The following PRKAR1A variants were observed in gnomAD, a reference collection of about 807,000 sequenced individuals.
PRKAR1A encodes the protein cAMP-dependent protein kinase type I-alpha regulatory subunit.
PRKAR1A carries 3 observed loss-of-function variants against 52.0 expected under a neutral mutation model. The observed-to-expected ratio is 0.06, with a 90% CI of 0.03 to 0.15. The LOEUF (loss-of-function observed/expected upper bound fraction) is 0.15, where lower values mean the gene tolerates loss of function less well. Among genes scored for constraint, PRKAR1A ranks in the 10% least tolerant of loss-of-function variants. The pLI, the probability that PRKAR1A is intolerant of heterozygous loss-of-function variation, is 1.00. For synonymous variants in PRKAR1A, 188 were observed against 168.4 expected, an observed-to-expected ratio of 1.12 and a Z score of -0.90; for missense variants, 240 against 477.4, an observed-to-expected ratio of 0.50 and a Z score of 4.63.
intron 11 of PRKAR1A, among the ~76,000 whole-genome samples, chr17:68,538,635 A>G (rs2086165448): frequency 6.6e-6 from 1 of 152,234 alleles, no homozygotes; most frequent in African/African-American, 2.4e-5. Flanking sequence ...CAGGACTTTA[A>G]TCAGGGTTTT....
chr17:68,419,289 G>T, the PRKAR1A span, among the ~76,000 whole-genome samples: 1 of 152,180 alleles, frequency 6.6e-6, no homozygotes, highest in Non-Finnish European at 1.5e-5. Context: ...TGGCTGGTGT[G>T]GTGGCTCACG....
At chr17:68,523,467 T>C (rs994058927) in intron 3 of PRKAR1A, among the ~76,000 whole-genome samples, 3 of 152,240 alleles carry the variant, frequency 2.0e-5, no homozygotes, top group Admixed American at 2.0e-4. Flanking sequence ...GTGTTTTGAT[T>C]TGTTTCTTTA....
At chr17:68,540,954 C>T (rs1360981530) in intron 11 of PRKAR1A, 2 of 1,586,012 alleles carry the variant, frequency 1.3e-6, no homozygotes, top group South Asian at 2.3e-5. Flanking sequence ...GGATTGACCT[C>T]CCACCTGAGG....
upstream of PRKAR1A, among the ~76,000 whole-genome samples, chr17:68,510,195 G>T (rs1043660161): frequency 1.3e-5 from 2 of 148,652 alleles, no homozygotes; most frequent in South Asian, 2.1e-4. Flanking sequence ...GAGAGAGAGA[G>T]ATCTATCTAT....
chr17:68,466,136 C>T, the PRKAR1A span, among the ~76,000 whole-genome samples: 6 of 152,256 alleles, frequency 3.9e-5, no homozygotes, highest in African/African-American at 1.4e-4. Context: ...CAAATTTCAC[C>T]GGCTTCTTCC....
chr17:68,541,833 C>G, intron 11 of PRKAR1A: 1 of 908,740 alleles, frequency 1.1e-6, no homozygotes, highest in South Asian at 1.7e-5. Flanking sequence ...AGAACAGACC[C>G]AGGCCTGCTG....
chr17:68,424,398 G>T, the PRKAR1A span: 2 of 531,656 alleles, frequency 3.8e-6, no homozygotes, highest in Non-Finnish European at 7.7e-6. Flanking sequence ...TCACTAGAGG[G>T]TTCCACGGAT....
intron 2 of PRKAR1A, among the ~76,000 whole-genome samples, chr17:68,519,187 G>T (rs2085526170): frequency 6.6e-6 from 1 of 152,032 alleles, no homozygotes; most frequent in South Asian, 2.1e-4. Flanking sequence ...GGGTATCCTT[G>T]TAACAGCACC....
At chr17:68,460,563 A>G in the PRKAR1A span, among the ~76,000 whole-genome samples, 1 of 152,178 alleles carries the variant, frequency 6.6e-6, no homozygotes, top group East Asian at 1.9e-4. Flanking sequence ...TTTCCAGGCT[A>G]ATGGTCCATT....
intron 7 of PRKAR1A, 75 bp downstream of exon 7, chr17:68,525,987 T>C (rs1019391577): frequency 6.6e-7 from 1 of 1,518,104 alleles, no homozygotes; most frequent in African/African-American, 1.4e-5. Flanking sequence ...ATTACCAAAT[T>C]AAAAAGAGAA....
At chr17:68,540,805 TAGC>T (rs781105660) in intron 11 of PRKAR1A, 9 of 1,560,958 alleles carry the variant, frequency 5.8e-6, no homozygotes, top group Non-Finnish European at 7.8e-6. Context: ...CCTAGCCACA[TAGC>T]AGAGCCCACT....
At chr17:68,547,999 G>A (rs141124071) in intron 11 of PRKAR1A, among the ~76,000 whole-genome samples, 1 of 146,984 alleles carries the variant, frequency 6.8e-6, no homozygotes, top group Non-Finnish European at 1.5e-5. Context: ...GCCCTTGTTG[G>A]GTTACTAACT....
At chr17:68,550,807 C>T (rs1720083148) in intron 11 of PRKAR1A, among the ~76,000 whole-genome samples, 2 of 152,188 alleles carry the variant, frequency 1.3e-5, no homozygotes, top group South Asian at 4.1e-4. Flanking sequence ...TTTAAAGCCT[C>T]CTTAAGTGAA....
At chr17:68,539,858 T>C in intron 11 of PRKAR1A, 1 of 1,608,278 alleles carries the variant, frequency 6.2e-7, no homozygotes, top group Non-Finnish European at 8.5e-7. Flanking sequence ...GGAGAGGGGA[T>C]TGTTGAACAC....
intron 2 of PRKAR1A, among the ~76,000 whole-genome samples, chr17:68,521,139 A>G (rs1413471565): frequency 6.6e-6 from 1 of 151,960 alleles, no homozygotes; most frequent in Admixed American, 6.6e-5. Context: ...ATGGGGTTTC[A>G]CCATAATGGC....
chr17:68,428,725 G>T, the PRKAR1A span: 3 of 883,452 alleles, frequency 3.4e-6, no homozygotes, highest in African/African-American at 1.7e-5. Flanking sequence ...TGCCAGTGAA[G>T]AACAAATCAA....
At chr17:68,485,267 A>T in the PRKAR1A span, among the ~76,000 whole-genome samples, 1 of 152,240 alleles carries the variant, frequency 6.6e-6, no homozygotes, top group Non-Finnish European at 1.5e-5. Context: ...TTCCACAAAT[A>T]GCTGAGTGCT....
intron 11 of PRKAR1A, among the ~76,000 whole-genome samples, chr17:68,545,815 C>T (rs1226543519): frequency 2.0e-5 from 3 of 152,186 alleles, no homozygotes; most frequent in East Asian, 3.8e-4. Context: ...ATGTTCACAG[C>T]GTCTTCACCA....
At chr17:68,497,486 A>G in the PRKAR1A span, among the ~76,000 whole-genome samples, 1 of 152,190 alleles carries the variant, frequency 6.6e-6, no homozygotes, top group Non-Finnish European at 1.5e-5. Context: ...TGAGGCTAGT[A>G]CCCCTAAGGA....
Sources: gnomAD v4.1 joint callset for allele counts (sites outside exome capture counted in the v4.1 genomes callset) on GRCh38, gnomAD v4.1.1 for gene constraint, MANE v1.5 for transcripts, NCBI Gene and HGNC (gene_info 2026-07-23, HGNC 2026-07-21) for gene names.